NTRK2: variants seen among roughly 807,000 people sequenced by gnomAD.
NTRK2 encodes the protein BDNF/NT-3 growth factors receptor.
NTRK2 carries 13 observed loss-of-function variants against 94.5 expected under a neutral mutation model. The ratio of observed to expected loss-of-function variants is 0.14; its 90% CI spans 0.09 to 0.22. The LOEUF (loss-of-function observed/expected upper bound fraction) is 0.22. Ranked by LOEUF, NTRK2 falls within the 10% of genes least tolerant of loss-of-function variation. The pLI is 1.00. For synonymous variants in NTRK2, 372 were observed against 407.4 expected (o/e 0.91, Z 1.05); for missense variants, 639 against 1,071.2 (o/e 0.60, Z 5.63).
rs575474333 is a variant in NTRK2, at chr9:84,878,887, T to C, written c.1633+11456T>C. Among the ~76,000 whole-genome samples, 27 of 152,250 alleles carry C rather than the reference T, an allele frequency of 1.8e-4. 1 individual carries two copies. The South Asian group carries it at 5.4e-3, about 30-fold the overall frequency. On this transcript the variant is annotated intron_variant, in intron 14 of 18. Transcript: ENST00000277120. ...ATGTGTACATAAACTTCTCAGTGGA[T>C]TGTCTGTCAGTCTTCGGATACTTCC...
In NTRK2 at chr9:84,900,628, C is replaced by T. The variant is rs761167726; in HGVS notation, c.1633+33197C>T. Among the ~76,000 whole-genome samples the T allele has an allele frequency of 1.5e-4, 23 of 152,212 alleles. 3 individuals carry two copies. Among genetic ancestry groups the T allele is most frequent in the South Asian group, 8.3e-4 (4 of 4,818 alleles). Reference sequence around the variant, plus strand: ...AAAAGCAGGCTGCATTTCAGAGGCACGCCTTGTAAAAATATGTGCACTTGT... The same window carrying T: ...AAAAGCAGGCTGCATTTCAGAGGCATGCCTTGTAAAAATATGTGCACTTGT... On this transcript the variant is annotated intron_variant, in intron 14 of 18. Coordinates refer to ENST00000277120, the MANE Select transcript of NTRK2 (RefSeq NM_006180.6).
At chr9:84,877,189 G>T in intron 14 of NTRK2, 1 of 1,065,192 alleles carries the variant, frequency 9.4e-7, no homozygotes, top group Non-Finnish European at 1.1e-6. Flanking sequence ...ATCTTAGCCA[G>T]ATTTGAGTCT....
intron 17 of NTRK2, among the ~76,000 whole-genome samples, chr9:85,008,190 T>G (rs1224353205): frequency 6.6e-6 from 1 of 151,840 alleles, no homozygotes. Context: ...CCAAACTGTA[T>G]TAGTGCTGGG....
intron 13 of NTRK2, 87 bp downstream of exon 13, chr9:84,861,174 C>T: frequency 4.9e-6 from 5 of 1,010,298 alleles, no homozygotes; most frequent in South Asian, 1.4e-5. Context: ...CTTTACATTC[C>T]ACGGTCTTTG....
intron 12 of NTRK2, among the ~76,000 whole-genome samples, chr9:84,792,677 A>G (rs193211769): frequency 6.6e-6 from 1 of 152,228 alleles, no homozygotes; most frequent in Non-Finnish European, 1.5e-5. Flanking sequence ...GCACTGTACT[A>G]AGGCTGTGTA....
intron 17 of NTRK2, among the ~76,000 whole-genome samples, chr9:85,002,279 A>C (rs541790659): frequency 4.6e-5 from 7 of 152,196 alleles, no homozygotes. Flanking sequence ...GAGGATGACT[A>C]TCAGAATGAG....
rs1406732291 is a variant in NTRK2 at position 84,873,986 on chromosome 9, C to T, written c.1633+6555C>T. On this transcript the variant is annotated intron_variant, in intron 14 of 18. Transcript: ENST00000277120. ...AGTTCTGCATCCTGCACATATCAGA[C>T]ATTTCAGTCCAATTTCACCAAAGCA... 8.5e-6 allele frequency: 9 copies of T among 1,063,506 alleles called. No homozygotes were observed. The African/African-American group carries it at 9.8e-5, about 12-fold the overall frequency. 65.9% of individuals were successfully genotyped at this position (1,063,506 alleles called of 1,614,324 possible).
intron 17 of NTRK2, among the ~76,000 whole-genome samples, chr9:84,958,467 A>G (rs1162930169): frequency 6.6e-6 from 1 of 152,254 alleles, no homozygotes; most frequent in Non-Finnish European, 1.5e-5. Flanking sequence ...AAATGATCGG[A>G]AGAATAACGA....
chr9:84,832,723 T>G (rs1388468228), intron 12 of NTRK2, among the ~76,000 whole-genome samples: 1 of 152,138 alleles, frequency 6.6e-6, no homozygotes. Flanking sequence ...GGACCTGCCT[T>G]CTCCTTCATT....
intron 15 of NTRK2, among the ~76,000 whole-genome samples, chr9:84,938,212 T>G (rs895062742): frequency 4.6e-5 from 7 of 152,234 alleles, no homozygotes; most frequent in African/African-American, 1.7e-4. Context: ...ATTTTTGCTT[T>G]TCATGTTTCC....
chr9:84,731,744 G>A (rs2062905580), intron 9 of NTRK2, among the ~76,000 whole-genome samples: 1 of 152,104 alleles, frequency 6.6e-6, no homozygotes, highest in South Asian at 2.1e-4. Flanking sequence ...CCCAGTCCAA[G>A]GGGGTGCCAG....
chr9:84,704,275 C>G (rs1271275983), intron 4 of NTRK2, among the ~76,000 whole-genome samples: 1 of 127,386 alleles, frequency 7.9e-6, no homozygotes, highest in African/African-American at 3.0e-5. Context: ...GTCACCCAGG[C>G]TGGAGTGCAG....
intron 14 of NTRK2, among the ~76,000 whole-genome samples, chr9:84,906,015 C>T (rs770056220): frequency 1.1e-4 from 16 of 152,188 alleles, no homozygotes; most frequent in East Asian, 3.9e-4. Flanking sequence ...ATTCGATTTC[C>T]AATACTTTGC....
intron 14 of NTRK2, among the ~76,000 whole-genome samples, chr9:84,916,232 A>T (rs1366955343): frequency 6.6e-6 from 1 of 152,106 alleles, no homozygotes. Flanking sequence ...ACCAAGGGCC[A>T]GGGAGGATGA....
intron 14 of NTRK2, among the ~76,000 whole-genome samples, chr9:84,898,037 T>A (rs1164373171): frequency 8.0e-5 from 12 of 150,782 alleles, no homozygotes; most frequent in Admixed American, 4.0e-4. Flanking sequence ...AAGAAAAAGA[T>A]GAAAGGTCTT....
chr9:84,890,997 A>G (rs886370491), intron 14 of NTRK2, among the ~76,000 whole-genome samples: 5 of 152,178 alleles, frequency 3.3e-5, no homozygotes, highest in African/African-American at 1.2e-4. Flanking sequence ...AAACCACCCC[A>G]CCATTAGTGG....
intron 15 of NTRK2, among the ~76,000 whole-genome samples, chr9:84,936,658 G>A (rs2078222419): frequency 6.6e-6 from 1 of 151,896 alleles, no homozygotes; most frequent in Non-Finnish European, 1.5e-5. Context: ...AATCAACACT[G>A]CTTAAAAAAA....
At chr9:84,931,485 C>T (rs891622482) in intron 14 of NTRK2, among the ~76,000 whole-genome samples, 1 of 151,724 alleles carries the variant, frequency 6.6e-6, no homozygotes, top group Non-Finnish European at 1.5e-5. Context: ...GGACACTGCT[C>T]AGATTATCGG....
intron 12 of NTRK2, among the ~76,000 whole-genome samples, chr9:84,840,729 A>G (rs897513723): frequency 9.2e-5 from 14 of 151,766 alleles, no homozygotes; most frequent in Admixed American, 3.3e-4. Context: ...GCCTCCAACA[A>G]CCTTCTCTCG....
Sources: allele counts gnomAD v4.1 joint callset (sites outside exome capture counted in the v4.1 genomes callset), GRCh38; gene constraint gnomAD v4.1.1; transcripts MANE v1.5; gene names NCBI Gene and HGNC (gene_info 2026-07-23, HGNC 2026-07-21).